KCNH8: variants seen among roughly 807,000 people sequenced by gnomAD.
The protein encoded by KCNH8 is potassium voltage-gated channel subfamily H member 8, also known as voltage-gated delayed rectifier potassium channel KCNH8.
KCNH8 carries 70 observed loss-of-function variants against 103.6 expected under a neutral mutation model. The ratio of observed to expected loss-of-function variants is 0.68; its 90% CI spans 0.56 to 0.82. The LOEUF (loss-of-function observed/expected upper bound fraction) is 0.82. Among genes scored for constraint, KCNH8 ranks in the 40% least tolerant of loss-of-function variants. The pLI, the probability that KCNH8 is intolerant of heterozygous loss-of-function variation, is 0.00. For synonymous variants in KCNH8, 498 were observed against 489.4 expected, an observed-to-expected ratio of 1.02 and a Z score of -0.23; for missense variants, 1,217 against 1,329.9, an observed-to-expected ratio of 0.92 and a Z score of 1.32.
intron 1 of KCNH8, among the ~76,000 whole-genome samples, chr3:19,249,481 T>G (rs929882147): frequency 1.3e-5 from 2 of 152,192 alleles, no homozygotes; most frequent in Non-Finnish European, 2.9e-5. Flanking sequence ...TTTTGCAGTA[T>G]ATTTGCAGAA....
intron 11 of KCNH8, among the ~76,000 whole-genome samples, chr3:19,476,991 G>A (rs1265833534): frequency 1.3e-5 from 2 of 152,046 alleles, no homozygotes; most frequent in Non-Finnish European, 2.9e-5. Flanking sequence ...CTTTATTTAA[G>A]TAAAGCATAT....
At chr3:19,303,423 C>T (rs977185373) in intron 3 of KCNH8, among the ~76,000 whole-genome samples, 5 of 152,164 alleles carry the variant, frequency 3.3e-5, no homozygotes, top group East Asian at 1.9e-4. Flanking sequence ...AAATCCTAAG[C>T]GGCAGTGGAA....
At chr3:19,175,251 T>C (rs1286864789) in intron 1 of KCNH8, among the ~76,000 whole-genome samples, 1 of 149,442 alleles carries the variant, frequency 6.7e-6, no homozygotes, top group East Asian at 2.0e-4. Context: ...AGACGGAGTC[T>C]CGCTCTGTCA....
intron 1 of KCNH8, among the ~76,000 whole-genome samples, chr3:19,179,073 A>G (rs2063427409): frequency 6.6e-6 from 1 of 151,360 alleles, no homozygotes; most frequent in African/African-American, 2.4e-5. Flanking sequence ...TGTAATAAAC[A>G]TTTTTTTTTC....
chr3:19,261,555 T>C (rs181345405), intron 2 of KCNH8, among the ~76,000 whole-genome samples: 7 of 151,908 alleles, frequency 4.6e-5, no homozygotes, highest in Admixed American at 4.6e-4. Context: ...ACCTTTTCAT[T>C]TTGTTGACTG....
chr3:19,293,090 G>C (rs1190470934), intron 3 of KCNH8, among the ~76,000 whole-genome samples: 1 of 152,154 alleles, frequency 6.6e-6, no homozygotes, highest in Non-Finnish European at 1.5e-5. Context: ...ATCATGTATT[G>C]ATTATTTTCT....
chr3:19,342,506 T>A (rs992453690), intron 3 of KCNH8, 81 bp from the exon 4 acceptor site: 239 of 1,424,820 alleles, frequency 1.7e-4, no homozygotes, highest in Non-Finnish European at 2.1e-4. Context: ...CAATATGCTC[T>A]TGAAAGGGAA....
intron 1 of KCNH8, among the ~76,000 whole-genome samples, chr3:19,156,364 T>C (rs1311848001): frequency 6.6e-6 from 1 of 152,216 alleles, no homozygotes; most frequent in African/African-American, 2.4e-5. Flanking sequence ...TAAAATGTGC[T>C]TGTATAGCAA....
At chr3:19,509,867 G>A (rs1384382577) in intron 11 of KCNH8, among the ~76,000 whole-genome samples, 2 of 152,094 alleles carry the variant, frequency 1.3e-5, no homozygotes, top group Non-Finnish European at 1.5e-5. Context: ...AAAAAGAGAA[G>A]TGAATAAATA....
intron 7 of KCNH8, among the ~76,000 whole-genome samples, chr3:19,416,254 C>T (rs1401453565): frequency 6.6e-6 from 1 of 151,910 alleles, no homozygotes; most frequent in East Asian, 1.9e-4. Flanking sequence ...TGCATTAATT[C>T]TTAGTGTTTT....
chr3:19,480,020 A>G (rs977246257), intron 11 of KCNH8, among the ~76,000 whole-genome samples: 1 of 152,204 alleles, frequency 6.6e-6, no homozygotes, highest in African/African-American at 2.4e-5. Flanking sequence ...AGCTGTAGAT[A>G]ATGTTCCTGC....
At chr3:19,332,735 C>T (rs147568265) in intron 3 of KCNH8, among the ~76,000 whole-genome samples, 3 of 152,138 alleles carry the variant, frequency 2.0e-5, no homozygotes, top group African/African-American at 4.8e-5. Flanking sequence ...CAGGTTCAAG[C>T]GATTCTCATG....
chr3:19,214,047 T>C (rs1225865852), intron 1 of KCNH8, among the ~76,000 whole-genome samples: 1 of 152,184 alleles, frequency 6.6e-6, no homozygotes, highest in Admixed American at 6.5e-5. Flanking sequence ...TGGGATTAGT[T>C]GCTGATCATC....
rs186290967 is a variant in KCNH8 at position 19,356,083 on chromosome 3, A to T, written c.811+8118A>T. 3.9e-5 allele frequency among the ~76,000 whole-genome samples: 6 copies of T among 152,028 alleles called. No homozygotes were observed. The Admixed American group carries it at 3.9e-4, about 10-fold the overall frequency. ...TAGAACTACAAGATGATGTTTTAAA[A>T]AATATTTTGGTATTCACGTAAACTC... On this transcript the variant is annotated intron_variant, in intron 5 of 15. Coordinates refer to ENST00000328405, the MANE Select transcript of KCNH8 (RefSeq NM_144633.3).
chr3:19,513,363 T>A (rs764693764), intron 13 of KCNH8, 38 bp downstream of exon 13: 1 of 1,544,738 alleles, frequency 6.5e-7, no homozygotes, highest in South Asian at 1.3e-5. Flanking sequence ...CACGTGAACG[T>A]GGCTGCCTTT....
At chr3:19,181,358 CA>C (rs1262647425) in intron 1 of KCNH8, among the ~76,000 whole-genome samples, 1 of 151,552 alleles carries the variant, frequency 6.6e-6, no homozygotes, top group East Asian at 1.9e-4. Context: ...AAGAAAGTAG[CA>C]GAAAGAAAGG....
chr3:19,287,260 A>T (rs550825894), intron 3 of KCNH8, among the ~76,000 whole-genome samples: 1 of 152,298 alleles, frequency 6.6e-6, no homozygotes, highest in East Asian at 1.9e-4. Context: ...ATAGATTAAT[A>T]ATGGTGAGAC....
chr3:19,189,270 TATAA>T (rs1294074960), intron 1 of KCNH8, among the ~76,000 whole-genome samples: 2 of 152,072 alleles, frequency 1.3e-5, no homozygotes, highest in South Asian at 4.1e-4. Flanking sequence ...TGAATACATT[TATAA>T]ATATATTGTT....
At chr3:19,161,182 A>G (rs1028979706) in intron 1 of KCNH8, among the ~76,000 whole-genome samples, 11 of 152,144 alleles carry the variant, frequency 7.2e-5, no homozygotes, top group Non-Finnish European at 1.3e-4. Flanking sequence ...AAAGCATTAC[A>G]TTTGTGGGTA....
Sources: allele counts gnomAD v4.1 joint callset (sites outside exome capture counted in the v4.1 genomes callset), GRCh38; gene constraint gnomAD v4.1.1; transcripts MANE v1.5; gene names NCBI Gene and HGNC (gene_info 2026-07-23, HGNC 2026-07-21).